The following SAMD12 variants were observed in gnomAD, a reference collection of about 807,000 sequenced individuals.
SAMD12 encodes the protein sterile alpha motif domain-containing protein 12.
A neutral mutation model predicts 15.0 loss-of-function variants in SAMD12; 9 were observed. The ratio of observed to expected loss-of-function variants is 0.60; its 90% CI spans 0.36 to 1.05. The LOEUF is 1.05. Among genes scored for constraint, SAMD12 ranks in the 50% least tolerant of loss-of-function variants. The pLI is 0.01. For missense variants in SAMD12, 230 were observed against 234.2 expected (o/e 0.98, Z 0.12); for synonymous variants, 86 against 90.1 (o/e 0.96, Z 0.25).
At chr8:118,492,122 C>CTTTTTTTTTTTTT (rs543720456) in intron 2 of SAMD12, among the ~76,000 whole-genome samples, 1 of 132,154 alleles carries the variant, frequency 7.6e-6, no homozygotes, top group African/African-American at 2.8e-5. Flanking sequence ...CTGGTGTTGC[C>CTTTTTTTTTTTTT]TTTTTTTTTT....
At chr8:118,565,829 T>C (rs1415988757) in intron 2 of SAMD12, among the ~76,000 whole-genome samples, 1 of 152,222 alleles carries the variant, frequency 6.6e-6, no homozygotes, top group African/African-American at 2.4e-5. Context: ...GAGTGATCTT[T>C]CATTCCTCTC....
At chr8:118,182,865 C>T in the SAMD12 span, among the ~76,000 whole-genome samples, 1 of 152,178 alleles carries the variant, frequency 6.6e-6, no homozygotes, top group Non-Finnish European at 1.5e-5. Flanking sequence ...TATTTGCTTC[C>T]TTTTCACCAA....
chr8:118,426,428 C>T (rs1418392374), intron 3 of SAMD12, among the ~76,000 whole-genome samples: 1 of 152,158 alleles, frequency 6.6e-6, no homozygotes, highest in Non-Finnish European at 1.5e-5. Flanking sequence ...GTTCTAGGTA[C>T]TGGACAGGCA....
rs553883955 is a variant in SAMD12 at position 118,615,003 on chromosome 8, T to C, written c.13+6801A>G. On this transcript the variant is annotated intron_variant, in intron 1 of 3. Coordinates refer to ENST00000314727, the MANE Select transcript of SAMD12 (RefSeq NM_207506.3). ...AAAAGGACCATATGCAAGATCCAACTGGACTGTGGGGAATGCTGCAGGTTT... is the reference window on the plus strand; with the variant it reads ...AAAAGGACCATATGCAAGATCCAACCGGACTGTGGGGAATGCTGCAGGTTT... Among the ~76,000 whole-genome samples, 3 of 152,292 alleles carry C rather than the reference T, an allele frequency of 2.0e-5. No individual in the cohort carries two copies. The South Asian group carries it at 6.2e-4, about 32-fold the overall frequency.
chr8:118,462,557 T>C (rs1172387518), intron 2 of SAMD12, among the ~76,000 whole-genome samples: 1 of 152,140 alleles, frequency 6.6e-6, no homozygotes, highest in East Asian at 1.9e-4. Flanking sequence ...TCTGTTCATA[T>C]ATCCATCCAT....
At chr8:118,412,356 G>T (rs988514374) in intron 3 of SAMD12, among the ~76,000 whole-genome samples, 1 of 152,198 alleles carries the variant, frequency 6.6e-6, no homozygotes, top group Admixed American at 6.5e-5. Flanking sequence ...CCTGGACCTT[G>T]TGTCTGAGCT....
intron 4 of SAMD12, among the ~76,000 whole-genome samples, chr8:118,362,031 T>G (rs1818525055): frequency 1.3e-5 from 2 of 151,678 alleles, no homozygotes; most frequent in South Asian, 4.2e-4. Context: ...TGGTTCTTAA[T>G]AAATTTCTAA....
At chr8:118,469,516 A>ATAATATATATT (rs1491469424) in intron 2 of SAMD12, among the ~76,000 whole-genome samples, 1 of 228 alleles carries the variant, frequency 4.4e-3, no homozygotes, top group Non-Finnish European at 7.2e-3. Flanking sequence ...TATAATATAT[A>ATAATATATATT]ATATATATAA....
At chr8:118,525,266 A>G (rs1825502189) in intron 2 of SAMD12, among the ~76,000 whole-genome samples, 1 of 152,090 alleles carries the variant, frequency 6.6e-6, no homozygotes, top group Non-Finnish European at 1.5e-5. Context: ...TCTCTGATTA[A>G]ATGTTAGTTT....
intron 3 of SAMD12, among the ~76,000 whole-genome samples, chr8:118,404,929 TGG>T (rs1238391191): frequency 1.3e-5 from 2 of 152,180 alleles, no homozygotes; most frequent in African/African-American, 4.8e-5. Flanking sequence ...CCCAAAGTGT[TGG>T]GGCTACAGGC....
intron 2 of SAMD12, among the ~76,000 whole-genome samples, chr8:118,554,748 T>C (rs888886698): frequency 9.9e-5 from 15 of 151,524 alleles, no homozygotes; most frequent in Admixed American, 6.6e-5. Context: ...CTTTATGATA[T>C]GGGTGGGTCT....
At chr8:118,600,141 T>G (rs1035580662) in intron 1 of SAMD12, among the ~76,000 whole-genome samples, 1 of 152,274 alleles carries the variant, frequency 6.6e-6, no homozygotes, top group South Asian at 2.1e-4. Context: ...TCTAACCTTG[T>G]GTGTTAGGTA....
At chr8:118,603,098 A>G (rs114097730) in intron 1 of SAMD12, among the ~76,000 whole-genome samples, 1 of 152,168 alleles carries the variant, frequency 6.6e-6, no homozygotes, top group African/African-American at 2.4e-5. Flanking sequence ...CAAATAAAAA[A>G]TAACAGATGA....
At chr8:118,477,321 C>T (rs985879543) in intron 2 of SAMD12, among the ~76,000 whole-genome samples, 1 of 152,128 alleles carries the variant, frequency 6.6e-6, no homozygotes, top group Non-Finnish European at 1.5e-5. Context: ...CCACTTCACC[C>T]TCCCAAAGTG....
At chr8:118,535,105 A>T (rs1411935090) in intron 2 of SAMD12, among the ~76,000 whole-genome samples, 2 of 151,972 alleles carry the variant, frequency 1.3e-5, no homozygotes, top group African/African-American at 2.4e-5. Context: ...GTCTTTGATG[A>T]TGAGGTACAG....
chr8:118,280,102 C>T (rs1563728031), intron 4 of SAMD12, among the ~76,000 whole-genome samples: 1 of 152,156 alleles, frequency 6.6e-6, no homozygotes, highest in Admixed American at 6.5e-5. Flanking sequence ...AGACAGAGTC[C>T]AATAAATGCT....
intron 4 of SAMD12, among the ~76,000 whole-genome samples, chr8:118,330,982 G>A (rs7005310): frequency 0.24 from 36,656 of 151,966 alleles, 5,570 homozygotes; most frequent in African/African-American, 0.43. Flanking sequence ...AAAAAAGAAG[G>A]AATATGAAGG....
intron 4 of SAMD12, among the ~76,000 whole-genome samples, chr8:118,224,961 T>C (rs1812156408): frequency 6.6e-6 from 1 of 152,200 alleles, no homozygotes; most frequent in African/African-American, 2.4e-5. Flanking sequence ...TCTGTTTCCA[T>C]CAATCTTTAT....
chr8:118,454,632 A>C (rs1003167653), intron 2 of SAMD12, among the ~76,000 whole-genome samples: 3 of 152,204 alleles, frequency 2.0e-5, no homozygotes, highest in African/African-American at 7.2e-5. Flanking sequence ...AGTTTGGTAA[A>C]ATACACATAA....
Sources: gnomAD v4.1 joint callset for allele counts (sites outside exome capture counted in the v4.1 genomes callset) on GRCh38, gnomAD v4.1.1 for gene constraint, MANE v1.5 for transcripts, NCBI Gene and HGNC (gene_info 2026-07-23, HGNC 2026-07-21) for gene names.